Variants in ITGA2 observed in about 807,000 individuals in gnomAD.
ITGA2 encodes integrin subunit alpha 2.
A neutral mutation model predicts 146.3 loss-of-function variants in ITGA2; 101 were observed. The ratio of observed to expected loss-of-function variants is 0.69; its 90% CI spans 0.59 to 0.81. The LOEUF (loss-of-function observed/expected upper bound fraction) is 0.81, where lower values mean the gene tolerates loss of function less well. Ranked by LOEUF, ITGA2 falls within the 40% of genes least tolerant of loss-of-function variation. The pLI is 0.00. For synonymous variants in ITGA2, 477 were observed against 487.1 expected (o/e 0.98, Z 0.27); for missense variants, 1,281 against 1,402.7 (o/e 0.91, Z 1.39).
rs1745084922 is a variant in ITGA2 at position 53,065,133 on chromosome 5, A to G, written c.1806+18A>G. ...ATTCCCAGGTAATCCATGAGCTGTT[A>G]TGGTGATGTATGTATTTGTGGGTCT... is the stretch of plus-strand genomic sequence containing the variant. On this transcript the variant is annotated intron_variant, in intron 14 of 29. Transcript: ENST00000296585. The G allele has an allele frequency of 8.1e-6, 13 of 1,607,142 alleles. No individual in the cohort carries two copies. The highest frequency in any genetic ancestry group is 1.1e-5 in the Non-Finnish European group (13 of 1,174,328).
At chr5:53,074,136 GA>G (rs995312148) in intron 20 of ITGA2, among the ~76,000 whole-genome samples, 2 of 151,682 alleles carry the variant, frequency 1.3e-5, no homozygotes, top group African/African-American at 4.8e-5. Flanking sequence ...TTTTTCTGGG[GA>G]AAAAATACAG....
Position 53,093,173 on chromosome 5 carries a change from C to G in ITGA2, c.*2574C>G, listed in dbSNP as rs75427194. On this transcript the variant is annotated 3_prime_UTR_variant, in exon 30 of 30. Coordinates refer to ENST00000296585, the MANE Select transcript of ITGA2 (RefSeq NM_002203.4). ...CTAGCTTTTCAATGTGCTATACAAA[C>G]AATTATAGCACATCCTTCCTTTTAC... is the stretch of plus-strand genomic sequence containing the variant. 0.11 allele frequency: 16,908 copies of G among 152,204 alleles called. 1,146 individuals carry two copies. The highest frequency in any genetic ancestry group is 0.18 in the African/African-American group (7,656 of 41,520). The allele number at this position is 152,204 out of a possible 1,614,324, so 9.4% of individuals were successfully genotyped here.
intron 19 of ITGA2, 135 bp downstream of exon 19, chr5:53,072,830 T>C (rs1357465081): frequency 2.0e-5 from 16 of 788,604 alleles, no homozygotes; most frequent in Non-Finnish European, 2.9e-5. Context: ...AAAAACTAAA[T>C]TTCAATGTCT....
chr5:53,006,709 T>C lies in ITGA2; in HGVS notation c.64+17177T>C, dbSNP rs149547451. 1.2e-3 allele frequency among the ~76,000 whole-genome samples: 178 copies of C among 152,318 alleles called. 2 individuals carry two copies. The South Asian group carries it at 0.028, about 24-fold the overall frequency. ...CTGTTAGGGTCAAAGGCATATTTAT[T>C]ATAAAACAAGTGAAGCCGAAGTTTC... is the stretch of plus-strand genomic sequence containing the variant. On this transcript the variant is annotated intron_variant, in intron 1 of 29. Coordinates refer to ENST00000296585, the MANE Select transcript of ITGA2 (RefSeq NM_002203.4).
At chr5:53,060,519 T>C (rs2111960754) in intron 11 of ITGA2, among the ~76,000 whole-genome samples, 1 of 152,070 alleles carries the variant, frequency 6.6e-6, no homozygotes, top group South Asian at 2.1e-4. Flanking sequence ...AAGCGGCAAA[T>C]CCAGAATCTG....
At position 53,092,820 on chromosome 5, in the gene ITGA2, G is replaced by A. The variant is rs1740493417; in HGVS notation, c.*2221G>A. On this transcript the variant is annotated 3_prime_UTR_variant, in exon 30 of 30. Coordinates refer to ENST00000296585, the MANE Select transcript of ITGA2 (RefSeq NM_002203.4). ...TCTCAAAAAAATGACTATTTAAAAA[G>A]ACAATGTGGCCAGGCACGGTGGCTC... The A allele has an allele frequency of 1.3e-5, 2 of 152,162 alleles. No homozygotes were observed. The highest frequency in any genetic ancestry group is 4.8e-5 in the African/African-American group (2 of 41,408). The allele number at this position is 152,162 out of a possible 1,614,324, so 9.4% of individuals were successfully genotyped here.
chr5:53,068,313 A>G (rs543988348), intron 16 of ITGA2, among the ~76,000 whole-genome samples: 1 of 152,030 alleles, frequency 6.6e-6, no homozygotes, highest in South Asian at 2.1e-4. Context: ...TGAGTAGCAT[A>G]TGTCACTTGA....
At chr5:53,015,719 A>G (rs1371812420) in intron 1 of ITGA2, among the ~76,000 whole-genome samples, 2 of 152,068 alleles carry the variant, frequency 1.3e-5, no homozygotes, top group Non-Finnish European at 2.9e-5. Context: ...TTGTGTGGTT[A>G]TCTAAGTCTT....
intron 28 of ITGA2, 68 bp from the exon 29 acceptor site, chr5:53,089,878 T>C (rs537689422): frequency 8.7e-6 from 8 of 921,022 alleles, no homozygotes; most frequent in South Asian, 1.3e-5. Flanking sequence ...AATTAGAGAA[T>C]TGGACTAGAC....
In ITGA2 at chr5:53,073,197, T is replaced by C. The variant is rs1481265962; in HGVS notation, c.2509T>C (p.Tyr837His). Residue 837 changes from tyrosine (Y) to histidine (H), a missense_variant, in exon 20 of 30, where the codon TAC becomes CAC. By Grantham distance (83) the Tyr-to-His change is moderately conservative. This residue lies in a region of ITGA2 where 475 missense variants were observed against 530.5 expected (regional missense o/e 0.90). Transcript: ENST00000296585. Reference protein sequence around the residue: ...VTLKNKRESAYNTGIVVDFSE... With the variant: ...VTLKNKRESAHNTGIVVDFSE... Reference sequence around the variant, plus strand: ...GCTGAAAAATAAAAGGGAAAGTGCATACAACACTGGAATTGTTGTTGATTT... The same window carrying C: ...GCTGAAAAATAAAAGGGAAAGTGCACACAACACTGGAATTGTTGTTGATTT... 1 of 1,612,488 alleles carries C rather than the reference T, an allele frequency of 6.2e-7. No homozygotes were observed. The highest frequency in any genetic ancestry group is 1.1e-5 in the South Asian group (1 of 91,062).
intron 6 of ITGA2, among the ~76,000 whole-genome samples, chr5:53,049,200 C>T (rs981943445): frequency 6.6e-6 from 1 of 151,710 alleles, no homozygotes; most frequent in Non-Finnish European, 1.5e-5. Context: ...TTAGTAGAAA[C>T]AGGATTTCAC....
In ITGA2 at chr5:53,080,335, G is replaced by A. The variant is rs180829984; in HGVS notation, c.2929-176G>A. Among the ~76,000 whole-genome samples the A allele has an allele frequency of 1.2e-3, 183 of 152,240 alleles. 1 individual carries two copies. In the South Asian group the frequency reaches 0.027, roughly 22 times the overall value. The stretch of plus-strand genomic sequence containing the variant: ...AAATTGCAACCTCAGGCATAAATGC[G>A]TTTTAAGAGGTGAGACACAGAGACC... On this transcript the variant is annotated intron_variant, in intron 24 of 29. Coordinates refer to ENST00000296585, the MANE Select transcript of ITGA2 (RefSeq NM_002203.4).
rs755016308 is a variant in ITGA2, at chr5:53,087,005, C to T, written c.3312C>T (p.Asn1104=). The part of the protein sequence containing the change: ...LTAAAEINTY[N]PEIYVIEDNT... ...CAGCTGCAGAAATCAACACCTATAACCCTGAGATATATGTGATTGAAGATA... is the reference window on the plus strand; with the variant it reads ...CAGCTGCAGAAATCAACACCTATAATCCTGAGATATATGTGATTGAAGATA... The change falls in exon 28 of 30, where the codon AAC becomes AAT. Residue 1104 remains asparagine, a synonymous_variant. Transcript: ENST00000296585. The T allele has an allele frequency of 1.9e-6, 3 of 1,613,642 alleles. No individual in the cohort carries two copies. The highest frequency in any genetic ancestry group is 2.5e-6 in the Non-Finnish European group (3 of 1,179,678).
In ITGA2 at chr5:53,051,579, G is replaced by A; in HGVS notation, c.779+20G>A. The A allele has an allele frequency of 6.2e-7, 1 of 1,608,444 alleles. No homozygotes were observed. Among genetic ancestry groups the A allele is most frequent in the Non-Finnish European group, 8.5e-7 (1 of 1,175,332 alleles). ...TGCAAGGTAAGTTTTGGTGCTAATAGGCCAATGTTTTCATAATGTAAAACA... is the reference window on the plus strand; with the variant it reads ...TGCAAGGTAAGTTTTGGTGCTAATAAGCCAATGTTTTCATAATGTAAAACA... On this transcript the variant is annotated intron_variant, in intron 7 of 29. Coordinates refer to ENST00000296585, the MANE Select transcript of ITGA2 (RefSeq NM_002203.4).
Position 53,060,021 on chromosome 5 carries a change from T to A in ITGA2, c.1312+9T>A. The A allele has an allele frequency of 6.2e-7, 1 of 1,611,876 alleles. No individual in the cohort carries two copies. The highest frequency in any genetic ancestry group is 8.5e-7 in the Non-Finnish European group (1 of 1,178,618). On this transcript the variant is annotated intron_variant, in intron 11 of 29. Transcript: ENST00000296585. ...TCACAGTTCATATTTAGGTAAGGCA[T>A]GGTAATAATTGGCTCAGCAAACTTA...
At chr5:53,001,341 G>A (rs1741574917) in intron 1 of ITGA2, among the ~76,000 whole-genome samples, 1 of 152,108 alleles carries the variant, frequency 6.6e-6, no homozygotes, top group Admixed American at 6.6e-5. Context: ...TTCCTTATCA[G>A]TTTCATACAA....
In ITGA2 at chr5:53,059,927, C is replaced by G. The variant is rs375853127; in HGVS notation, c.1227C>G (p.Val409=). 5.0e-6 allele frequency: 8 copies of G among 1,612,146 alleles called. No homozygotes were observed. The highest frequency in any genetic ancestry group is 4.5e-5 in the East Asian group (2 of 44,724). ...VGAFGWSGTI[V]QKTSHGHLIF... ...CTTTTGGCTGGAGTGGGACCATTGT[C>G]CAGAAGACATCTCATGGCCATTTGA... The change falls in exon 11 of 30, where the codon GTC becomes GTG. Residue 409 remains valine, a synonymous_variant. Transcript: ENST00000296585.
In ITGA2 at chr5:53,046,489, C is replaced by G. The variant is rs181162253; in HGVS notation, c.387+1397C>G. On this transcript the variant is annotated intron_variant, in intron 4 of 29. Coordinates refer to ENST00000296585, the MANE Select transcript of ITGA2 (RefSeq NM_002203.4). The stretch of plus-strand genomic sequence containing the variant: ...GGTTTATGATATTCCAAGGTCTTTA[C>G]AATAAGGTTGCTTTAATCTTTTTGT... 1.7e-3 allele frequency among the ~76,000 whole-genome samples: 256 copies of G among 151,682 alleles called. 2 individuals are homozygous for G. Among genetic ancestry groups the G allele is most frequent in the African/African-American group, 5.8e-3 (240 of 41,370 alleles).
At chr5:52,999,354 T>G (rs1741454440) in intron 1 of ITGA2, among the ~76,000 whole-genome samples, 1 of 152,192 alleles carries the variant, frequency 6.6e-6, no homozygotes, top group African/African-American at 2.4e-5. Flanking sequence ...GTAACATACA[T>G]GTAGACAAAT....
Sources: gnomAD v4.1 joint callset for allele counts (sites outside exome capture counted in the v4.1 genomes callset) on GRCh38, gnomAD v4.1.1 for gene constraint, gnomAD v4.1.1 regional missense constraint, MANE v1.5 for transcripts, NCBI Gene and HGNC (gene_info 2026-07-23, HGNC 2026-07-21) for gene names.